P3H3: variants seen among roughly 807,000 people sequenced by gnomAD.
P3H3 encodes the protein prolyl 3-hydroxylase 3.
A neutral mutation model predicts 78.1 loss-of-function variants in P3H3; 64 were observed. That is an observed-to-expected ratio of 0.82 (90% confidence interval 0.67 to 1.01). The LOEUF is 1.01. Among genes scored for constraint, P3H3 ranks in the 50% least tolerant of loss-of-function variants. P3H3 has a pLI of 0.00. For synonymous variants in P3H3, 425 were observed against 416.7 expected, an observed-to-expected ratio of 1.02 and a Z score of -0.24; for missense variants, 975 against 982.2, an observed-to-expected ratio of 0.99 and a Z score of 0.10.
chr12:6,828,674 G>A lies in P3H3; in HGVS notation c.234G>A (p.Gly78=). The A allele has an allele frequency of 8.1e-7, 1 of 1,237,396 alleles. No homozygotes were observed. Among genetic ancestry groups the A allele is most frequent in the Non-Finnish European group, 1.0e-6 (1 of 990,742 alleles). The allele number at this position is 1,237,396 out of a possible 1,614,324, so 76.7% of individuals were successfully genotyped here. A position where few individuals can be genotyped will look rare whatever the true frequency, so the allele number is the denominator to read the frequency against. ...AALGRVRLDC[G]ASCAADPGAA... ...TGGGCCGGGTGCGGCTGGATTGCGG[G>A]GCGAGCTGCGCGGCCGATCCGGGCG... Residue 78 remains glycine, a synonymous_variant, in exon 1 of 15, where the codon GGG becomes GGA. Transcript: ENST00000290510.
At chr12:6,835,788 AT>A (rs1291829582) in intron 9 of P3H3, among the ~76,000 whole-genome samples, 1 of 152,008 alleles carries the variant, frequency 6.6e-6, no homozygotes, top group African/African-American at 2.4e-5. Flanking sequence ...CTGTTGCAGG[AT>A]TTTAGGACGG....
At position 6,837,970 on chromosome 12, in the gene P3H3, C is replaced by T; in HGVS notation, c.1842C>T (p.Tyr614=). 1 of 1,607,866 alleles carries T rather than the reference C, an allele frequency of 6.2e-7. No individual in the cohort carries two copies. ...TTTCCCTCCCCAGCGGACTCCTCTA[C>T]CTCAACGATGACTTCCAGGGTGGGG... ...YTYRDYSGLL[Y]LNDDFQGGDL... The change falls in exon 13 of 15, where the codon TAC becomes TAT. Residue 614 remains tyrosine, a synonymous_variant. Coordinates refer to ENST00000290510, the MANE Select transcript of P3H3 (RefSeq NM_014262.5).
chr12:6,832,069 T>C (rs1394503301), intron 6 of P3H3, among the ~76,000 whole-genome samples, 155 bp downstream of exon 6: 24 of 152,304 alleles, frequency 1.6e-4, no homozygotes, highest in Admixed American at 1.3e-3. Flanking sequence ...TGCCTGTAGT[T>C]AGGGCGGCTT....
At position 6,831,102 on chromosome 12, in the gene P3H3, G is replaced by A. The variant is rs782371767; in HGVS notation, c.986-114G>A. The A allele has an allele frequency of 1.1e-5, 14 of 1,332,962 alleles. No individual in the cohort carries two copies. In the African/African-American group the frequency reaches 2.0e-4, roughly 19 times the overall value. The allele number at this position is 1,332,962 out of a possible 1,614,324, so 82.6% of individuals were successfully genotyped here. On this transcript the variant is annotated intron_variant, in intron 4 of 14. Transcript: ENST00000290510. This position sits in a 1 kb window ranked among gnomAD's most constrained non-coding sequence, Gnocchi z 4.6. ...TCTGCCAGTGGGAAGGGGGCTCTTG[G>A]AGTTAGCTGTCTGGCCTCTGGAGAC...
intron 9 of P3H3, among the ~76,000 whole-genome samples, chr12:6,836,416 G>C (rs1696375091): frequency 1.3e-5 from 2 of 152,100 alleles, no homozygotes; most frequent in African/African-American, 4.8e-5. Flanking sequence ...AGACCCCCAG[G>C]TAGTGAGAGT....
intron 13 of P3H3, 136 bp from the exon 14 acceptor site, chr12:6,838,864 T>C (rs4963516): frequency 1.5e-6 from 1 of 649,450 alleles, no homozygotes; most frequent in Non-Finnish European, 2.3e-6. Flanking sequence ...AGCTAGTCCC[T>C]GAATTAAGGA....
At chr12:6,838,619 G>A (rs1467520797) in intron 13 of P3H3, among the ~76,000 whole-genome samples, 2 of 152,118 alleles carry the variant, frequency 1.3e-5, no homozygotes, top group African/African-American at 4.8e-5. Context: ...TCATCTGGGT[G>A]TGGGGTGTGA....
In P3H3 at chr12:6,829,452, C is replaced by T. The variant is rs782533501; in HGVS notation, c.499-407C>T. On this transcript the variant is annotated intron_variant, in intron 1 of 14. Transcript: ENST00000290510. The surrounding 1 kb of genome is among the most constrained non-coding windows in gnomAD (Gnocchi z 5.1). ...CCGCCGGTACCGCAGCAGTTGCCTA[C>T]GTGGCTGGGGAAGCGGGGCGCCGGT... The T allele has an allele frequency of 8.4e-6, 2 of 236,994 alleles. No homozygotes were observed. The highest frequency in any genetic ancestry group is 2.3e-5 in the African/African-American group (1 of 42,696). The allele number at this position is 236,994 out of a possible 1,614,324, so 14.7% of individuals were successfully genotyped here.
Position 6,831,073 on chromosome 12 carries a change from C to T in P3H3, c.986-143C>T. ...GTGTTTGAAAGAACCGGCAGCTGAA[C>T]TTGTCTGCCAGTGGGAAGGGGGCTC... On this transcript the variant is annotated intron_variant, in intron 4 of 14. Coordinates refer to ENST00000290510, the MANE Select transcript of P3H3 (RefSeq NM_014262.5). The surrounding 1 kb of genome is among the most constrained non-coding windows in gnomAD (Gnocchi z 4.6). 1.8e-6 allele frequency: 2 copies of T among 1,086,210 alleles called. No individual in the cohort carries two copies. Among genetic ancestry groups the T allele is most frequent in the Non-Finnish European group, 2.8e-6 (2 of 703,432 alleles). 67.3% of individuals were successfully genotyped at this position (1,086,210 alleles called of 1,614,324 possible).
Position 6,831,758 on chromosome 12 carries a change from T to G in P3H3, c.1123-67T>G. On this transcript the variant is annotated intron_variant, in intron 5 of 14. Coordinates refer to ENST00000290510, the MANE Select transcript of P3H3 (RefSeq NM_014262.5). This position sits in a 1 kb window ranked among gnomAD's most constrained non-coding sequence, Gnocchi z 4.6. ...CAAGGAGCATGGAGCACCCAGGCAG[T>G]GCCCTAGAGCCGGCGCTTCCCTGCC... is the stretch of plus-strand genomic sequence containing the variant. The G allele has an allele frequency of 1.0e-6, 1 of 975,498 alleles. No homozygotes were observed. Among genetic ancestry groups the G allele is most frequent in the Non-Finnish European group, 1.6e-6 (1 of 620,510 alleles). The allele number at this position is 975,498 out of a possible 1,614,324, so 60.4% of individuals were successfully genotyped here. A position where few individuals can be genotyped will look rare whatever the true frequency, so the allele number is the denominator to read the frequency against.
chr12:6,834,202 T>C (rs1016170799), intron 9 of P3H3, among the ~76,000 whole-genome samples, 153 bp downstream of exon 9: 5 of 152,198 alleles, frequency 3.3e-5, no homozygotes, highest in Non-Finnish European at 7.4e-5. Context: ...ATAAGTTCCG[T>C]CTCGTCTTAA....
chr12:6,832,289 C>T (rs1003320609), intron 6 of P3H3, among the ~76,000 whole-genome samples: 7 of 152,244 alleles, frequency 4.6e-5, no homozygotes, highest in Middle Eastern at 3.4e-3. Flanking sequence ...GAGGAAACTG[C>T]GGGGCGGAGG....
chr12:6,837,551 G>C lies in P3H3; in HGVS notation c.1689G>C (p.Leu563=), dbSNP rs1943511740. Residue 563 remains leucine (L), a synonymous_variant, in exon 11 of 15, where the codon CTG becomes CTC. Transcript: ENST00000290510. ...ERPLHLSFTH[L]VCRSAIEGEQ... is the part of the protein sequence containing the mutation. Reference sequence around the variant, plus strand: ...CCCTGCATCTGTCCTTCACCCACCTGGTGTGCCGCAGCGCCATAGAAGGTA... The same window carrying C: ...CCCTGCATCTGTCCTTCACCCACCTCGTGTGCCGCAGCGCCATAGAAGGTA... 1 of 1,612,522 alleles carries C rather than the reference G, an allele frequency of 6.2e-7. No homozygotes were observed. Among genetic ancestry groups the C allele is most frequent in the Admixed American group, 1.7e-5 (1 of 59,844 alleles).
chr12:6,831,773 G>T lies in P3H3; in HGVS notation c.1123-52G>T. ...ACCCAGGCAGTGCCCTAGAGCCGGC[G>T]CTTCCCTGCCTTCCTCCAGCTACCC... On this transcript the variant is annotated intron_variant, in intron 5 of 14. Transcript: ENST00000290510. The surrounding 1 kb of genome is among the most constrained non-coding windows in gnomAD (Gnocchi z 4.6). 4 of 1,172,952 alleles carry T rather than the reference G, an allele frequency of 3.4e-6. No individual in the cohort carries two copies. In the South Asian group the frequency reaches 5.2e-5, roughly 15 times the overall value. The allele number at this position is 1,172,952 out of a possible 1,614,324, so 72.7% of individuals were successfully genotyped here. A position where few individuals can be genotyped will look rare whatever the true frequency, so the allele number is the denominator to read the frequency against.
rs1014415252 is a variant in P3H3 at position 6,829,379 on chromosome 12, C to T, written c.498+441C>T. The T allele has an allele frequency of 9.2e-6, 2 of 217,856 alleles. No individual in the cohort carries two copies. Among genetic ancestry groups the T allele is most frequent in the Non-Finnish European group, 1.8e-5 (2 of 111,490 alleles). 13.5% of individuals were successfully genotyped at this position (217,856 alleles called of 1,614,324 possible). ...GAGCAGACGGAGGCAAGGTTGGGGT[C>T]CTCCGAGGCCAGACCTCTGCGGGCG... On this transcript the variant is annotated intron_variant, in intron 1 of 14. Coordinates refer to ENST00000290510, the MANE Select transcript of P3H3 (RefSeq NM_014262.5). This position sits in a 1 kb window ranked among gnomAD's most constrained non-coding sequence, Gnocchi z 5.1.
Position 6,837,498 on chromosome 12 carries a change from A to G in P3H3, c.1636A>G (p.Thr546Ala), listed in dbSNP as rs1555122346. The G allele has an allele frequency of 1.2e-6, 2 of 1,611,602 alleles. No individual in the cohort carries two copies. The highest frequency in any genetic ancestry group is 3.3e-5 in the Admixed American group (2 of 59,718). ...LEVSERVRTL[T>A]QAYFSPERPL... ...GGTGAGCGAGCGGGTGCGGACCTTG[A>G]CCCAGGCCTACTTCTCCCCGGAACG... Residue 546 changes from threonine to alanine, a missense_variant, in exon 11 of 15, where the codon ACC becomes GCC. By Grantham distance (58) the Thr-to-Ala change is moderately conservative. Coordinates refer to ENST00000290510, the MANE Select transcript of P3H3 (RefSeq NM_014262.5).
chr12:6,830,100 G>C, intron 2 of P3H3, 89 bp downstream of exon 2: 1 of 1,525,074 alleles, frequency 6.6e-7, no homozygotes, highest in Non-Finnish European at 9.0e-7. Context: ...TGTGCTGCTT[G>C]AGCATACAGA....
At position 6,830,756 on chromosome 12, in the gene P3H3, A is replaced by T. The variant is rs1943442366; in HGVS notation, c.971A>T (p.Glu324Val). Residue 324 changes from glutamate to valine, a missense_variant, in exon 4 of 15, where the codon GAG becomes GTG. Physicochemically the swap from Glu to Val is moderately radical, Grantham distance 121 (BLOSUM62 -2). Coordinates refer to ENST00000290510, the MANE Select transcript of P3H3 (RefSeq NM_014262.5). ...CCCAACCAGCTGAGGCGGCTACATG[A>T]GGCCCATGCTCAGGGTCAGTTGGGG... ...FLPNQLRRLHEAHAQVGNLSQ... is the reference protein window; with the variant it reads ...FLPNQLRRLHVAHAQVGNLSQ... 6.2e-7 allele frequency: 1 copy of T among 1,613,830 alleles called. No individual in the cohort carries two copies. Among genetic ancestry groups the T allele is most frequent in the Admixed American group, 1.7e-5 (1 of 60,004 alleles).
Position 6,831,303 on chromosome 12 carries a change from A to G in P3H3, c.1073A>G (p.Gln358Arg). Reference protein sequence around the residue: ...EDEAAKRALNQYQAQLGEPRP... With the variant: ...EDEAAKRALNRYQAQLGEPRP... ...GAGGCTGCCAAGAGGGCTCTGAACC[A>G]GTACCAGGCCCAGCTGGGAGAGCCG... The change falls in exon 5 of 15, where the codon CAG becomes CGG. Residue 358 changes from glutamine to arginine, a missense_variant. Coordinates refer to ENST00000290510, the MANE Select transcript of P3H3 (RefSeq NM_014262.5). This position sits in a 1 kb window ranked among gnomAD's most constrained non-coding sequence, Gnocchi z 4.6. The G allele has an allele frequency of 1.2e-6, 2 of 1,613,870 alleles. No individual in the cohort carries two copies. The highest frequency in any genetic ancestry group is 1.7e-6 in the Non-Finnish European group (2 of 1,179,828).
Sources: gnomAD v4.1 joint callset for allele counts (sites outside exome capture counted in the v4.1 genomes callset) on GRCh38, gnomAD v4.1.1 for gene constraint, Gnocchi (gnomAD v3.1) non-coding constraint, MANE v1.5 for transcripts, NCBI Gene and HGNC (gene_info 2026-07-23, HGNC 2026-07-21) for gene names.